HERC3: variants seen among roughly 807,000 people sequenced by gnomAD.
The protein encoded by HERC3 is HECT and RLD domain containing E3 ubiquitin protein ligase 3.
Under a neutral mutation model 129.9 loss-of-function variants are expected in HERC3, and 58 were observed. That is an observed-to-expected ratio of 0.45 (90% confidence interval 0.36 to 0.56). The LOEUF (loss-of-function observed/expected upper bound fraction) is 0.56. HERC3 is among the 20% of genes least tolerant of loss of function. The pLI is 0.00. For synonymous variants in HERC3, 430 were observed against 451.0 expected (o/e 0.95, Z 0.59); for missense variants, 835 against 1,244.2 (o/e 0.67, Z 4.95).
the HERC3 span, among the ~76,000 whole-genome samples, chr4:88,586,302 A>G: frequency 3.9e-5 from 6 of 151,990 alleles, no homozygotes; most frequent in African/African-American, 1.4e-4. Context: ...ATGCTGTTAA[A>G]TTCAGAGATG....
Position 88,699,878 on chromosome 4 carries a change from TC to T in HERC3, c.2658-4218del, listed in dbSNP as rs897210703. Among the ~76,000 whole-genome samples the T allele has an allele frequency of 2.6e-5, 4 of 152,356 alleles. No individual in the cohort carries two copies. In the South Asian group the frequency reaches 8.3e-4, roughly 32 times the overall value. On this transcript the variant is annotated intron_variant, in intron 23 of 25. Transcript: ENST00000402738. ...ATCATTTACATAACAGTAAAATTTG[TC>T]CTTTTGGGCGTGCTTTCACAAGCAA...
intron 19 of HERC3, among the ~76,000 whole-genome samples, chr4:88,679,521 C>A (rs752366848): frequency 2.8e-4 from 41 of 146,850 alleles, no homozygotes; most frequent in Non-Finnish European, 4.3e-4. Flanking sequence ...AGATGGTAGA[C>A]CTTTTTTTTT....
chr4:88,524,120 T>C, the HERC3 span, among the ~76,000 whole-genome samples: 2 of 152,264 alleles, frequency 1.3e-5, no homozygotes, highest in East Asian at 1.9e-4. Context: ...TTATGTATTG[T>C]ACCGAATGTA....
chr4:88,617,175 CAAAA>C (rs1162260456), intron 3 of HERC3, among the ~76,000 whole-genome samples: 2 of 31,860 alleles, frequency 6.3e-5, no homozygotes, highest in Non-Finnish European at 1.3e-4. Flanking sequence ...ACCCTGTCTC[CAAAA>C]AAAAAAAAAA....
At chr4:88,649,803 G>C (rs1346428597) in intron 3 of HERC3, 37 bp from the exon 4 acceptor site, 1 of 1,594,644 alleles carries the variant, frequency 6.3e-7, no homozygotes. Context: ...CCTGTTTCTG[G>C]GTTGTACATT....
the HERC3 span, among the ~76,000 whole-genome samples, chr4:88,579,729 G>A: frequency 6.6e-6 from 1 of 152,166 alleles, no homozygotes; most frequent in African/African-American, 2.4e-5. Flanking sequence ...CCCAGAACCT[G>A]TGCATATGTT....
At chr4:88,640,945 A>G (rs1194953340) in intron 3 of HERC3, among the ~76,000 whole-genome samples, 1 of 152,222 alleles carries the variant, frequency 6.6e-6, no homozygotes, top group Non-Finnish European at 1.5e-5. Flanking sequence ...GAAGTTCACC[A>G]TCAAACGGAC....
At chr4:88,557,972 G>A in the HERC3 span, among the ~76,000 whole-genome samples, 128 of 150,396 alleles carry the variant, frequency 8.5e-4, no homozygotes, top group Middle Eastern at 3.4e-3. Flanking sequence ...TCAGGAGGCC[G>A]AGGCAGGAGC....
chr4:88,656,032 G>C lies in HERC3; in HGVS notation c.1066G>C (p.Ala356Pro). 5 of 1,613,976 alleles carry C rather than the reference G, an allele frequency of 3.1e-6. No homozygotes were observed. The highest frequency in any genetic ancestry group is 4.2e-6 in the Non-Finnish European group (5 of 1,179,886). ...AAHSGQLSAR[A>P]DRFKYHIVKQ... ...CCACAGTGGCCAGCTTTCAGCCCGAGCTGGTAAGAATGATTGTCTCTGGAA... is the reference window on the plus strand; with the variant it reads ...CCACAGTGGCCAGCTTTCAGCCCGACCTGGTAAGAATGATTGTCTCTGGAA... The change falls in exon 9 of 26, where the codon GCT becomes CCT. Residue 356 changes from alanine (A) to proline (P), a missense_variant. Transcript: ENST00000402738.
the HERC3 span, among the ~76,000 whole-genome samples, chr4:88,533,611 A>G: frequency 9.2e-5 from 14 of 152,318 alleles, no homozygotes; most frequent in African/African-American, 3.4e-4. Flanking sequence ...ACAGCATGCC[A>G]AAAGCCTTTG....
At chr4:88,571,467 T>C in the HERC3 span, among the ~76,000 whole-genome samples, 1 of 152,230 alleles carries the variant, frequency 6.6e-6, no homozygotes, top group East Asian at 1.9e-4. Context: ...TTTGAAAATA[T>C]ATTCAAAGGT....
chr4:88,687,559 T>C lies in HERC3; in HGVS notation c.2657+260T>C, dbSNP rs187109897. On this transcript the variant is annotated intron_variant, in intron 23 of 25. Coordinates refer to ENST00000402738, the MANE Select transcript of HERC3 (RefSeq NM_014606.3). ...ACTCTGAGCAAGTTACGTAAACTGG[T>C]TTCAGTTTTCTCATCTGCCAAATGG... Among the ~76,000 whole-genome samples, 22 of 152,254 alleles carry C rather than the reference T, an allele frequency of 1.4e-4. No homozygotes were observed. The South Asian group carries it at 2.1e-3, about 14-fold the overall frequency.
intron 3 of HERC3, among the ~76,000 whole-genome samples, chr4:88,609,276 C>G (rs888142773): frequency 6.6e-6 from 1 of 152,066 alleles, no homozygotes; most frequent in African/African-American, 2.4e-5. Flanking sequence ...GAGCAAGACT[C>G]TGTCTCAAAA....
At chr4:88,573,173 C>T in the HERC3 span, among the ~76,000 whole-genome samples, 1 of 152,180 alleles carries the variant, frequency 6.6e-6, no homozygotes, top group African/African-American at 2.4e-5. Flanking sequence ...GTTTTAACAT[C>T]TGAATGTATT....
chr4:88,612,860 T>A (rs1724505068), intron 3 of HERC3, among the ~76,000 whole-genome samples: 1 of 152,222 alleles, frequency 6.6e-6, no homozygotes, highest in Admixed American at 6.5e-5. Context: ...TGTTATTTTT[T>A]ATAAGTGACT....
chr4:88,643,733 CAATT>C (rs938379118), intron 3 of HERC3, among the ~76,000 whole-genome samples: 4 of 152,172 alleles, frequency 2.6e-5, no homozygotes, highest in African/African-American at 7.2e-5. Flanking sequence ...CTTTTTAAAA[CAATT>C]AACTCAAAAT....
upstream of HERC3, among the ~76,000 whole-genome samples, chr4:88,589,893 A>G (rs1721617589): frequency 6.6e-6 from 1 of 152,212 alleles, no homozygotes; most frequent in Non-Finnish European, 1.5e-5. Context: ...CTAACTTGTT[A>G]TTTATACATT....
intron 3 of HERC3, among the ~76,000 whole-genome samples, chr4:88,642,291 A>G (rs767290492): frequency 1.3e-5 from 2 of 152,208 alleles, no homozygotes; most frequent in Non-Finnish European, 2.9e-5. Context: ...AGAAACTCAC[A>G]TGGTTATGTC....
intron 23 of HERC3, among the ~76,000 whole-genome samples, chr4:88,701,290 A>C (rs1735293729): frequency 6.6e-6 from 1 of 152,194 alleles, no homozygotes; most frequent in Non-Finnish European, 1.5e-5. Flanking sequence ...AAATGGGAAA[A>C]GGGAGGCTTA....
Sources: gnomAD v4.1 joint callset for allele counts (sites outside exome capture counted in the v4.1 genomes callset) on GRCh38, gnomAD v4.1.1 for gene constraint, MANE v1.5 for transcripts, NCBI Gene and HGNC (gene_info 2026-07-23, HGNC 2026-07-21) for gene names.